Variants in ZC3H11A observed in about 807,000 individuals in gnomAD.
The protein encoded by ZC3H11A is zinc finger CCCH-type containing 11A.
Under a neutral mutation model 90.8 loss-of-function variants are expected in ZC3H11A, and 22 were observed. The ratio of observed to expected loss-of-function variants is 0.24; its 90% CI spans 0.17 to 0.35. The LOEUF (loss-of-function observed/expected upper bound fraction) is 0.35. Among genes scored for constraint, ZC3H11A ranks in the 10% least tolerant of loss-of-function variants. ZC3H11A has a pLI of 1.00. For missense variants in ZC3H11A, 701 were observed against 964.9 expected, an observed-to-expected ratio of 0.73 and a Z score of 3.62; for synonymous variants, 294 against 339.8, an observed-to-expected ratio of 0.87 and a Z score of 1.48.
At chr1:203,824,815 C>T (rs188365248) in intron 4 of ZC3H11A, among the ~76,000 whole-genome samples, 3 of 152,258 alleles carry the variant, frequency 2.0e-5, no homozygotes, top group East Asian at 1.9e-4. Context: ...CACGGTGGCT[C>T]ACGCCTGTAA....
At chr1:203,805,571 T>A in intron 2 of ZC3H11A, 1 of 610,994 alleles carries the variant, frequency 1.6e-6, no homozygotes. Context: ...AAGATCAGTA[T>A]TTCATAGTCC....
At chr1:203,800,446 A>T in intron 1 of ZC3H11A, 3 of 1,490,300 alleles carry the variant, frequency 2.0e-6, no homozygotes, top group Non-Finnish European at 2.7e-6. Flanking sequence ...AGCAGTGAAA[A>T]AGAAATACTG....
At chr1:203,804,595 A>T (rs924842426) in intron 2 of ZC3H11A, among the ~76,000 whole-genome samples, 1 of 150,852 alleles carries the variant, frequency 6.6e-6, no homozygotes, top group Non-Finnish European at 1.5e-5. Context: ...TATTATTTTC[A>T]ATTTGTTTTA....
At chr1:203,800,149 C>T in intron 1 of ZC3H11A, 17 of 1,535,218 alleles carry the variant, frequency 1.1e-5, no homozygotes, top group Non-Finnish European at 1.5e-5. Flanking sequence ...GAGAAGTATT[C>T]AGAGTTCTCA....
Position 203,850,327 on chromosome 1 carries a change from A to G in ZC3H11A, c.1940-188A>G, listed in dbSNP as rs1688968723. The G allele has an allele frequency of 5.0e-6, 4 of 802,084 alleles. No individual in the cohort carries two copies. The South Asian group carries it at 6.3e-5, about 13-fold the overall frequency. The allele number at this position is 802,084 out of a possible 1,614,324, so 49.7% of individuals were successfully genotyped here. A position where few individuals can be genotyped will look rare whatever the true frequency, so the allele number is the denominator to read the frequency against. ...AACAAATTTAAGTGGTATTGTATCT[A>G]CATGGTGACCACCTGTAGTGACCAC... On this transcript the variant is annotated intron_variant, in intron 15 of 17. Transcript: ENST00000367210.
chr1:203,844,139 G>C (rs915039410), intron 12 of ZC3H11A, among the ~76,000 whole-genome samples: 5 of 151,992 alleles, frequency 3.3e-5, no homozygotes, highest in Non-Finnish European at 7.4e-5. Flanking sequence ...TTACAGGCGT[G>C]AGCCACTGTG....
At chr1:203,800,064 G>C in intron 1 of ZC3H11A, 1 of 1,536,118 alleles carries the variant, frequency 6.5e-7, no homozygotes, top group Non-Finnish European at 8.7e-7. Flanking sequence ...TAGCTCAGCT[G>C]TAGACAATGT....
intron 11 of ZC3H11A, among the ~76,000 whole-genome samples, 180 bp downstream of exon 11, chr1:203,838,244 G>GA (rs1187778775): frequency 3.9e-5 from 6 of 152,074 alleles, no homozygotes; most frequent in African/African-American, 4.8e-5. Context: ...AGACACCATT[G>GA]AAAAAAACAC....
In ZC3H11A at chr1:203,798,696, A is replaced by C. The variant is rs976453033; in HGVS notation, c.-1587-2879A>C. ...TCCCGTTGCAGAGCAAGGCACTCTG[A>C]TGCGTGCGCAGGAGAGAGAAACAAC... On this transcript the variant is annotated intron_variant, in intron 1 of 17. Coordinates refer to ENST00000367210, the MANE Select transcript of ZC3H11A (RefSeq NM_001376342.1). 16 of 1,536,004 alleles carry C rather than the reference A, an allele frequency of 1.0e-5. 1 individual carries two copies. Among genetic ancestry groups the C allele is most frequent in the Middle Eastern group, 3.3e-4 (2 of 6,012 alleles).
At position 203,828,282 on chromosome 1, in the gene ZC3H11A, G is replaced by A; in HGVS notation, c.175-17G>A. On this transcript the variant is annotated splice_polypyrimidine_tract_variant and intron_variant, in intron 4 of 17. Transcript: ENST00000367210. ...TCACTGTTTTATTTGAAAGCAATGT[G>A]TTTTTCCCTCTTACAGAAAAAACGC... 2 of 1,613,802 alleles carry A rather than the reference G, an allele frequency of 1.2e-6. No individual in the cohort carries two copies. Among genetic ancestry groups the A allele is most frequent in the South Asian group, 1.1e-5 (1 of 91,046 alleles).
intron 10 of ZC3H11A, 41 bp from the exon 11 acceptor site, chr1:203,837,925 G>T: frequency 6.3e-7 from 1 of 1,576,954 alleles, no homozygotes; most frequent in Non-Finnish European, 8.7e-7. Flanking sequence ...CCTTGCTGAA[G>T]ATTGACTTGA....
At chr1:203,805,420 C>T (rs1046922392) in intron 2 of ZC3H11A, among the ~76,000 whole-genome samples, 5 of 151,982 alleles carry the variant, frequency 3.3e-5, no homozygotes, top group African/African-American at 4.8e-5. Context: ...TGTGAGCCAC[C>T]GCGCCCTGCC....
intron 2 of ZC3H11A, among the ~76,000 whole-genome samples, chr1:203,810,791 A>G (rs1216770718): frequency 6.6e-6 from 1 of 151,872 alleles, no homozygotes; most frequent in Admixed American, 6.6e-5. Context: ...TCAGGATTCC[A>G]TTTCTCCACA....
At chr1:203,832,478 AG>A (rs1218845583) in intron 9 of ZC3H11A, among the ~76,000 whole-genome samples, 1 of 151,814 alleles carries the variant, frequency 6.6e-6, no homozygotes, top group Admixed American at 6.6e-5. Flanking sequence ...CTCCTGCTTC[AG>A]CCTCCCCAGT....
intron 1 of ZC3H11A, chr1:203,800,335 T>C: frequency 1.1e-6 from 1 of 888,596 alleles, no homozygotes; most frequent in Non-Finnish European, 1.8e-6. Flanking sequence ...TTTGACAATA[T>C]AGAACAACTG....
chr1:203,807,499 A>G (rs1672773973), intron 2 of ZC3H11A, among the ~76,000 whole-genome samples: 1 of 151,374 alleles, frequency 6.6e-6, no homozygotes, highest in Non-Finnish European at 1.5e-5. Context: ...TATATGTGAC[A>G]CAAAGTTTTG....
At position 203,850,039 on chromosome 1, in the gene ZC3H11A, A is replaced by C. The variant is rs550035692; in HGVS notation, c.1939+13A>C. 1 of 1,613,418 alleles carries C rather than the reference A, an allele frequency of 6.2e-7. No homozygotes were observed. Among genetic ancestry groups the C allele is most frequent in the Admixed American group, 1.7e-5 (1 of 59,994 alleles). ...AAAAGGGGTAAAGGCAAGTATTTCT[A>C]TACTGTGTATTGCTTTAGGTTATCA... On this transcript the variant is annotated intron_variant, in intron 15 of 17. Coordinates refer to ENST00000367210, the MANE Select transcript of ZC3H11A (RefSeq NM_001376342.1).
In ZC3H11A at chr1:203,847,200, T is replaced by G. The variant is rs749078888; in HGVS notation, c.1059T>G (p.Val353=). The G allele has an allele frequency of 1.5e-5, 24 of 1,612,718 alleles. No homozygotes were observed. The highest frequency in any genetic ancestry group is 2.0e-5 in the Non-Finnish European group (24 of 1,179,670). The change falls in exon 13 of 18, where the codon GTT becomes GTG. Residue 353 remains valine (V), a synonymous_variant. Transcript: ENST00000367210. ...TGAAAACAGATAAAGTTAATAAAGT[T>G]GGTGAGATCCATGTGAAGACATTAG... The part of the protein sequence containing the change: ...NEDATDKVNK[V]GEIHVKTLEE...
intron 2 of ZC3H11A, among the ~76,000 whole-genome samples, chr1:203,809,507 G>A (rs186416359): frequency 1.6e-4 from 25 of 152,144 alleles, no homozygotes; most frequent in African/African-American, 5.3e-4. Flanking sequence ...ATGTTCATTT[G>A]TAGCAATGCT....
Sources: gnomAD v4.1 joint callset for allele counts (sites outside exome capture counted in the v4.1 genomes callset) on GRCh38, gnomAD v4.1.1 for gene constraint, MANE v1.5 for transcripts, NCBI Gene and HGNC (gene_info 2026-07-23, HGNC 2026-07-21) for gene names.